CADPS2: variants seen among roughly 807,000 people sequenced by gnomAD.
The protein encoded by CADPS2 is calcium-dependent secretion activator 2.
Under a neutral mutation model 172.5 loss-of-function variants are expected in CADPS2, and 93 were observed. That is an observed-to-expected ratio of 0.54 (90% CI 0.46 to 0.64). CADPS2 has a LOEUF of 0.64. Ranked by LOEUF, CADPS2 falls within the 30% of genes least tolerant of loss-of-function variation. The pLI, the probability that CADPS2 is intolerant of heterozygous loss-of-function variation, is 0.00. For missense variants in CADPS2, 1,420 were observed against 1,565.9 expected (o/e 0.91, Z 1.57); for synonymous variants, 546 against 555.2 (o/e 0.98, Z 0.23).
intron 1 of CADPS2, among the ~76,000 whole-genome samples, chr7:122,811,625 T>C (rs1800041244): frequency 6.6e-6 from 1 of 152,154 alleles, no homozygotes; most frequent in Admixed American, 6.5e-5. Context: ...CCCATGTATC[T>C]ATAATATAGC....
At chr7:122,799,600 T>C (rs1419272462) in intron 1 of CADPS2, among the ~76,000 whole-genome samples, 1 of 121,838 alleles carries the variant, frequency 8.2e-6, no homozygotes, top group Non-Finnish European at 1.6e-5. Context: ...CCAGATTCCA[T>C]CTCAAAAAAA....
intron 8 of CADPS2, among the ~76,000 whole-genome samples, chr7:122,514,394 T>C (rs1380022309): frequency 2.0e-5 from 3 of 152,296 alleles, no homozygotes; most frequent in East Asian, 3.9e-4. Flanking sequence ...TCACAACTTT[T>C]AAAACTAAAA....
At chr7:122,867,916 C>G (rs988143626) in intron 1 of CADPS2, among the ~76,000 whole-genome samples, 6 of 152,044 alleles carry the variant, frequency 3.9e-5, no homozygotes, top group Admixed American at 3.3e-4. Flanking sequence ...GGGGAATGGG[C>G]CTCTTCATAC....
intron 17 of CADPS2, chr7:122,427,520 G>C (rs1468605903): frequency 1.3e-5 from 2 of 152,088 alleles, no homozygotes; most frequent in African/African-American, 2.4e-5. Flanking sequence ...CTATTACAGA[G>C]GAATTGAGTT....
chr7:122,321,487 C>CT (rs928632807), intron 29 of CADPS2, among the ~76,000 whole-genome samples: 34 of 151,658 alleles, frequency 2.2e-4, no homozygotes, highest in South Asian at 1.5e-3. Flanking sequence ...TTTTTCTTTT[C>CT]TTTTTTTTGT....
intron 25 of CADPS2, among the ~76,000 whole-genome samples, chr7:122,373,510 G>A (rs1035587504): frequency 6.6e-6 from 1 of 152,014 alleles, no homozygotes; most frequent in Non-Finnish European, 1.5e-5. Flanking sequence ...CTGGTATCAC[G>A]CCTGCCCAAA....
At chr7:122,783,612 T>C (rs991969005) in intron 1 of CADPS2, among the ~76,000 whole-genome samples, 8 of 152,226 alleles carry the variant, frequency 5.3e-5, no homozygotes, top group Non-Finnish European at 1.2e-4. Flanking sequence ...ACAGACTCCT[T>C]GCTGAGTGTT....
chr7:122,497,449 T>TTATA (rs1486225581), intron 9 of CADPS2, among the ~76,000 whole-genome samples: 3 of 152,202 alleles, frequency 2.0e-5, no homozygotes, highest in African/African-American at 7.2e-5. Context: ...AGAAACTATA[T>TTATA]ATTTCTTTTC....
At chr7:122,800,173 C>A (rs1797301735) in intron 1 of CADPS2, among the ~76,000 whole-genome samples, 1 of 152,156 alleles carries the variant, frequency 6.6e-6, no homozygotes, top group Non-Finnish European at 1.5e-5. Flanking sequence ...CATGCAAAAA[C>A]ATCCACGGTT....
intron 1 of CADPS2, among the ~76,000 whole-genome samples, chr7:122,809,842 T>C (rs1206006523): frequency 6.6e-6 from 1 of 152,188 alleles, no homozygotes; most frequent in East Asian, 1.9e-4. Context: ...TATACAACTC[T>C]AAAGACAACA....
chr7:122,621,948 G>A (rs761765649), intron 4 of CADPS2, among the ~76,000 whole-genome samples: 26 of 151,950 alleles, frequency 1.7e-4, no homozygotes, highest in African/African-American at 2.4e-4. Flanking sequence ...TGAAAAAATC[G>A]CATATATTTT....
chr7:122,330,812 A>C (rs184110672), intron 28 of CADPS2: 1 of 152,310 alleles, frequency 6.6e-6, no homozygotes, highest in African/African-American at 2.4e-5. Flanking sequence ...AAGAACACAA[A>C]TGCAGACCCC....
At position 122,835,548 on chromosome 7, in the gene CADPS2, C is replaced by T. The variant is rs945160865; in HGVS notation, c.339+50451G>A. Among the ~76,000 whole-genome samples the T allele has an allele frequency of 1.2e-4, 18 of 152,102 alleles. 1 individual carries two copies. The highest frequency in any genetic ancestry group is 9.2e-4 in the Admixed American group (14 of 15,272). On this transcript the variant is annotated intron_variant, in intron 1 of 29. Transcript: ENST00000449022. ...CTAAAAACCTTGAAAAAAGATTAGA[C>T]GAACGGATAACTAGAATACCCAGTG...
At chr7:122,561,499 G>A (rs754684386) in intron 7 of CADPS2, among the ~76,000 whole-genome samples, 1 of 152,046 alleles carries the variant, frequency 6.6e-6, no homozygotes, top group Non-Finnish European at 1.5e-5. Flanking sequence ...ATAAAGCAAG[G>A]AAAAGAAAAG....
intron 8 of CADPS2, among the ~76,000 whole-genome samples, chr7:122,521,630 G>A (rs1255290179): frequency 6.6e-6 from 1 of 151,954 alleles, no homozygotes; most frequent in Non-Finnish European, 1.5e-5. Flanking sequence ...AAAGAGAGGT[G>A]GGGATGCATG....
At chr7:122,360,056 T>C (rs1315236045) in intron 27 of CADPS2, among the ~76,000 whole-genome samples, 1 of 152,204 alleles carries the variant, frequency 6.6e-6, no homozygotes, top group Non-Finnish European at 1.5e-5. Context: ...TTAATTTATT[T>C]TTCATTGTGC....
rs1030653976 is a variant in CADPS2 at position 122,845,368 on chromosome 7, T to C, written c.339+40631A>G. Among the ~76,000 whole-genome samples, 9 of 152,214 alleles carry C rather than the reference T, an allele frequency of 5.9e-5. No individual in the cohort carries two copies. The East Asian group carries it at 1.7e-3, about 29-fold the overall frequency. On this transcript the variant is annotated intron_variant, in intron 1 of 29. Coordinates refer to ENST00000449022, the MANE Select transcript of CADPS2 (RefSeq NM_017954.11). The stretch of plus-strand genomic sequence containing the variant: ...AAAGAAAATGGGTAAAGGTTTGATG[T>C]CAGATAAAAAACAACCACAAGCGTG...
Position 122,886,449 on chromosome 7 carries a change from G to C in CADPS2, c.-112C>G, listed in dbSNP as rs917247907. 12 of 1,375,668 alleles carry C rather than the reference G, an allele frequency of 8.7e-6. No homozygotes were observed. The highest frequency in any genetic ancestry group is 1.1e-5 in the Non-Finnish European group (12 of 1,070,226). The allele number at this position is 1,375,668 out of a possible 1,614,324, so 85.2% of individuals were successfully genotyped here. On this transcript the variant is annotated 5_prime_UTR_variant, in exon 1 of 30. Transcript: ENST00000449022. The stretch of plus-strand genomic sequence containing the variant: ...GGGCTGGCTGCAGCGGCCGCAGAAC[G>C]AAAGGAAAACTGGCCAGGGCTTTCC...
At chr7:122,455,584 ATGAG>A (rs577728641) in intron 14 of CADPS2, among the ~76,000 whole-genome samples, 62 of 152,258 alleles carry the variant, frequency 4.1e-4, no homozygotes, top group African/African-American at 1.1e-3. Flanking sequence ...GAGGAAATGA[ATGAG>A]TAATATATGC....
Sources: allele counts gnomAD v4.1 joint callset (sites outside exome capture counted in the v4.1 genomes callset), GRCh38; gene constraint gnomAD v4.1.1; transcripts MANE v1.5; gene names NCBI Gene and HGNC (gene_info 2026-07-23, HGNC 2026-07-21).